Variants in CERS4 observed in about 807,000 individuals in gnomAD.
CERS4 encodes ceramide synthase 4.
A neutral mutation model predicts 51.8 loss-of-function variants in CERS4; 65 were observed. The observed-to-expected ratio is 1.26, with a 90% CI of 1.03 to 1.54. CERS4 has a LOEUF of 1.54. Among genes scored for constraint, CERS4 ranks in the 40% most tolerant of loss-of-function variants. CERS4 has a pLI of 0.00. For synonymous variants in CERS4, 228 were observed against 208.4 expected (o/e 1.09, Z -0.81); for missense variants, 563 against 500.4 (o/e 1.13, Z -1.19).
intron 3 of CERS4, 56 bp downstream of exon 3, chr19:8,251,305 C>A (rs376408026): frequency 1.3e-6 from 2 of 1,491,864 alleles, no homozygotes; most frequent in Non-Finnish European, 8.9e-7. Context: ...AGTATGTGCT[C>A]GTGCCCTGTG....
At chr19:8,252,725 C>T (rs1227780459) in intron 3 of CERS4, among the ~76,000 whole-genome samples, 1 of 152,188 alleles carries the variant, frequency 6.6e-6, no homozygotes, top group Non-Finnish European at 1.5e-5. Flanking sequence ...AGGCAAGTGA[C>T]ACCACAACCC....
Position 8,256,941 on chromosome 19 carries a change from T to A in CERS4, c.613-8T>A. 4 of 1,614,170 alleles carry A rather than the reference T, an allele frequency of 2.5e-6. No homozygotes were observed. The highest frequency in any genetic ancestry group is 3.4e-6 in the Non-Finnish European group (4 of 1,180,032). On this transcript the variant is annotated splice_polypyrimidine_tract_variant and splice_region_variant and intron_variant, in intron 8 of 11. Coordinates refer to ENST00000251363, the MANE Select transcript of CERS4 (RefSeq NM_024552.3). ...CTCGTCCCCACTATGACCCACCGTC[T>A]ACTGCAGGATTTCAAGGAGCAGGTG...
chr19:8,217,419 A>G (rs1263354481), intron 2 of CERS4, among the ~76,000 whole-genome samples: 1 of 151,968 alleles, frequency 6.6e-6, no homozygotes, highest in African/African-American at 2.4e-5. Context: ...CTCAGGCTGG[A>G]GTGCAGTGGC....
chr19:8,241,397 C>G (rs1024301971), intron 2 of CERS4: 3 of 152,216 alleles, frequency 2.0e-5, no homozygotes, highest in African/African-American at 7.2e-5. Context: ...TCACTGCAGC[C>G]TCAAACTCCT....
At chr19:8,250,978 G>T in intron 2 of CERS4, 98 bp from the exon 3 acceptor site, 1 of 1,485,300 alleles carries the variant, frequency 6.7e-7, no homozygotes, top group South Asian at 1.4e-5. Context: ...GCTGATAGGG[G>T]CCCGAGTAGG....
intron 7 of CERS4, 45 bp from the exon 8 acceptor site, chr19:8,256,573 G>A: frequency 1.9e-6 from 3 of 1,560,982 alleles, no homozygotes; most frequent in Non-Finnish European, 1.7e-6. Context: ...CTGCCCGATT[G>A]GAGCCTTCGC....
chr19:8,241,827 G>A (rs1284095347), intron 2 of CERS4, among the ~76,000 whole-genome samples: 3 of 152,178 alleles, frequency 2.0e-5, no homozygotes, highest in Non-Finnish European at 2.9e-5. Flanking sequence ...TAGCCTGGTA[G>A]AACAAGGAGG....
At chr19:8,228,724 TA>T (rs72528600) in intron 2 of CERS4, among the ~76,000 whole-genome samples, 1 of 150,226 alleles carries the variant, frequency 6.7e-6, no homozygotes, top group Non-Finnish European at 1.5e-5. Context: ...CCACTCCTTA[TA>T]AAAAAAAATC....
chr19:8,250,968 G>T, intron 2 of CERS4, 108 bp from the exon 3 acceptor site: 1 of 1,480,870 alleles, frequency 6.8e-7, no homozygotes, highest in Non-Finnish European at 9.0e-7. Context: ...TGTCAACTGC[G>T]CTGATAGGGG....
At position 8,251,214 on chromosome 19, in the gene CERS4, G is replaced by A. The variant is rs144909209; in HGVS notation, c.138G>A (p.Ala46=). 91 of 1,611,150 alleles carry A rather than the reference G, an allele frequency of 5.6e-5. No individual in the cohort carries two copies. The highest frequency in any genetic ancestry group is 4.1e-4 in the South Asian group (37 of 90,524). ...ACTTGTTGGCAGCCCTGCCCCTGGC[G>A]CTGGTCCTCCTGGCCATGCGCCTTG... The part of the protein sequence containing the change: ...PQDLLAALPL[A]LVLLAMRLAF... The change falls in exon 3 of 12, where the codon GCG becomes GCA. Residue 46 remains alanine (A), a synonymous_variant. Coordinates refer to ENST00000251363, the MANE Select transcript of CERS4 (RefSeq NM_024552.3).
At chr19:8,214,899 G>A (rs1490003668) in intron 2 of CERS4, among the ~76,000 whole-genome samples, 1 of 151,284 alleles carries the variant, frequency 6.6e-6, no homozygotes, top group Non-Finnish European at 1.5e-5. Flanking sequence ...GCAGTGGGGA[G>A]GAGGTGGGAG....
At chr19:8,245,111 C>CAAAAAAAAAAAAA (rs74179480) in intron 2 of CERS4, among the ~76,000 whole-genome samples, 3 of 21,760 alleles carry the variant, frequency 1.4e-4, no homozygotes, top group African/African-American at 3.1e-4. Flanking sequence ...GACTCCATCT[C>CAAAAAAAAAAAAA]AAAAAAAAAA....
intron 2 of CERS4, among the ~76,000 whole-genome samples, chr19:8,248,668 CAGAT>C (rs777265296): frequency 2.2e-4 from 33 of 146,746 alleles, no homozygotes; most frequent in Non-Finnish European, 3.1e-4. Flanking sequence ...GGTGGGTGGA[CAGAT>C]GGATGGATGA....
intron 2 of CERS4, among the ~76,000 whole-genome samples, chr19:8,234,133 C>T (rs888164898): frequency 8.3e-4 from 126 of 151,132 alleles, no homozygotes; most frequent in African/African-American, 2.8e-3. Context: ...GGTGAAACCC[C>T]GTCTCTACTA....
At chr19:8,253,899 A>G (rs1969224627) in intron 3 of CERS4, among the ~76,000 whole-genome samples, 1 of 152,032 alleles carries the variant, frequency 6.6e-6, no homozygotes, top group African/African-American at 2.4e-5. Context: ...TGTTTGGTCT[A>G]ACGCAGCAGC....
At chr19:8,248,341 C>T (rs746759537) in intron 2 of CERS4, among the ~76,000 whole-genome samples, 80 of 151,590 alleles carry the variant, frequency 5.3e-4, no homozygotes, top group Non-Finnish European at 5.9e-4. Flanking sequence ...ATAGATGCAA[C>T]GACAGATGGA....
intron 2 of CERS4, among the ~76,000 whole-genome samples, chr19:8,227,444 C>T (rs1165626289): frequency 6.6e-6 from 1 of 151,864 alleles, no homozygotes; most frequent in African/African-American, 2.4e-5. Flanking sequence ...AAGCAATTCT[C>T]ATGCCTCAGC....
chr19:8,254,683 G>C, intron 4 of CERS4, 67 bp downstream of exon 4: 1 of 1,432,178 alleles, frequency 7.0e-7, no homozygotes, highest in African/African-American at 1.4e-5. Context: ...GATGGTGTGT[G>C]GCCCATTTGT....
At chr19:8,236,014 T>C (rs1258487602) in intron 2 of CERS4, among the ~76,000 whole-genome samples, 1 of 152,022 alleles carries the variant, frequency 6.6e-6, no homozygotes, top group Non-Finnish European at 1.5e-5. Context: ...GCTAACACGG[T>C]GAAACCCCGT....
Sources: gnomAD v4.1 joint callset for allele counts (sites outside exome capture counted in the v4.1 genomes callset) on GRCh38, gnomAD v4.1.1 for gene constraint, MANE v1.5 for transcripts, NCBI Gene and HGNC (gene_info 2026-07-23, HGNC 2026-07-21) for gene names.